Variants in MCF2L observed in about 807,000 individuals in gnomAD.
MCF2L encodes MCF.2 cell line derived transforming sequence like.
A neutral mutation model predicts 153.4 loss-of-function variants in MCF2L; 97 were observed. The ratio of observed to expected loss-of-function variants is 0.63; its 90% CI spans 0.54 to 0.75. The LOEUF (loss-of-function observed/expected upper bound fraction) is 0.75, where lower values mean the gene tolerates loss of function less well. MCF2L is among the 30% of genes least tolerant of loss of function. MCF2L has a pLI of 0.00. For missense variants in MCF2L, 1,347 were observed against 1,495.2 expected (o/e 0.90, Z 1.64); for synonymous variants, 659 against 632.2 (o/e 1.04, Z -0.64).
At chr13:112,968,873 G>A (rs1467474803), upstream of MCF2L, 4 of 857,838 alleles carry the variant, frequency 4.7e-6, no homozygotes, top group Non-Finnish European at 4.9e-6. Context: ...GGCTCCCAGG[G>A]GACCTCGGCG....
Position 112,969,333 on chromosome 13 carries a change from G to T in MCF2L, c.-47G>T. On this transcript the variant is annotated 5_prime_UTR_variant, in exon 1 of 30. Coordinates refer to ENST00000535094, the MANE Select transcript of MCF2L (RefSeq NM_001112732.3). This position sits in a 1 kb window ranked among gnomAD's most constrained non-coding sequence, Gnocchi z 4.8. ...ACGGCCCCACCCGCAGGCGCCCCCC[G>T]TGCGGAGGAAGCGGATCTGCCAGGA... 6.5e-7 allele frequency: 1 copy of T among 1,547,060 alleles called. No homozygotes were observed.
chr13:112,924,629 T>C (rs980751997), intron 2 of MCF2L, among the ~76,000 whole-genome samples: 1 of 152,344 alleles, frequency 6.6e-6, no homozygotes, highest in East Asian at 1.9e-4. Context: ...TAGCTTTAGA[T>C]AGGGAAGCTC....
At chr13:112,979,154 A>G (rs950227147) in intron 1 of MCF2L, among the ~76,000 whole-genome samples, 1 of 152,182 alleles carries the variant, frequency 6.6e-6, no homozygotes, top group Admixed American at 6.5e-5. Context: ...ACTTTGTTTC[A>G]GGACAGCCAG....
At chr13:113,067,126 T>A (rs1364474564) in intron 8 of MCF2L, among the ~76,000 whole-genome samples, 1 of 152,264 alleles carries the variant, frequency 6.6e-6, no homozygotes, top group Non-Finnish European at 1.5e-5. Context: ...TCCTCATCTG[T>A]AAAGTGACGC....
chr13:113,016,151 G>T (rs1180029945), intron 2 of MCF2L, among the ~76,000 whole-genome samples: 2 of 152,178 alleles, frequency 1.3e-5, no homozygotes, highest in Non-Finnish European at 2.9e-5. Context: ...AGCTCTGGGG[G>T]GGATTTTGCA....
upstream of MCF2L, among the ~76,000 whole-genome samples, chr13:112,968,163 A>C (rs1022670162): frequency 4.5e-5 from 6 of 134,794 alleles, no homozygotes; most frequent in Admixed American, 8.0e-5. Context: ...GTCTTGCTAC[A>C]TTGCCCAGGC....
Position 113,038,130 on chromosome 13 carries a change from C to T in MCF2L, c.279-7141C>T, listed in dbSNP as rs1163748411. Among the ~76,000 whole-genome samples the T allele has an allele frequency of 6.6e-5, 10 of 152,234 alleles. No individual in the cohort carries two copies. The South Asian group carries it at 1.0e-3, about 16-fold the overall frequency. On this transcript the variant is annotated intron_variant, in intron 3 of 29. Coordinates refer to ENST00000535094, the MANE Select transcript of MCF2L (RefSeq NM_001112732.3). ...GAATAAAATCATATCTAATAAAAGA[C>T]GTGCAAGACTTCTAAGCAGAAAACT...
rs750562138 is a variant in MCF2L at position 113,096,441 on chromosome 13, G to C, written c.3146G>C (p.Gly1049Ala). Residue 1049 changes from glycine (G) to alanine (A), a missense_variant, in exon 28 of 30, where the codon GGG (glycine) becomes GCG (alanine). By Grantham distance (60) the Gly-to-Ala change is moderately conservative. Around this residue, in one of 3 missense-constraint regions of MCF2L, gnomAD observed 383 missense variants for 335.4 expected, o/e 1.14. Coordinates refer to ENST00000535094, the MANE Select transcript of MCF2L (RefSeq NM_001112732.3). Reference protein sequence around the residue: ...GGPDALRVRSGDVVELVQEGD... With the variant: ...GGPDALRVRSADVVELVQEGD... ...CCCGATGCGCTGCGCGTGAGGAGCG[G>C]GGACGTGGTGGAGCTGGTGCAGGAG... 1.3e-6 allele frequency: 2 copies of C among 1,594,402 alleles called. No homozygotes were observed. Among genetic ancestry groups the C allele is most frequent in the Non-Finnish European group, 1.7e-6 (2 of 1,171,830 alleles).
Position 113,045,247 on chromosome 13 carries a change from G to T in MCF2L, c.279-24G>T, listed in dbSNP as rs550419171. On this transcript the variant is annotated intron_variant, in intron 3 of 29. Coordinates refer to ENST00000535094, the MANE Select transcript of MCF2L (RefSeq NM_001112732.3). The surrounding 1 kb of genome is among the most constrained non-coding windows in gnomAD (Gnocchi z 4.2). The stretch of plus-strand genomic sequence containing the variant: ...CGGCTTCCCACCTGCACACATTAAC[G>T]GCGGCGTCTCTTCCTCACTGCAGCC... 2 of 1,593,264 alleles carry T rather than the reference G, an allele frequency of 1.3e-6. No homozygotes were observed. The highest frequency in any genetic ancestry group is 1.7e-5 in the Admixed American group (1 of 60,012).
rs1265314013 is a variant in MCF2L, at chr13:113,089,595, G to A, written c.2835-15G>A. The stretch of plus-strand genomic sequence containing the variant: ...CAACACACTATTTCCTTTTTGATTT[G>A]TCTGATGTCATCAGTCCCTCAAGAG... On this transcript the variant is annotated splice_polypyrimidine_tract_variant and intron_variant, in intron 25 of 29. Transcript: ENST00000535094. 6.4e-7 allele frequency: 1 copy of A among 1,551,576 alleles called. No homozygotes were observed. Among genetic ancestry groups the A allele is most frequent in the African/African-American group, 1.4e-5 (1 of 73,304 alleles).
intron 3 of MCF2L, among the ~76,000 whole-genome samples, chr13:113,041,392 G>GT (rs1397130113): frequency 1.3e-5 from 2 of 151,624 alleles, no homozygotes; most frequent in African/African-American, 2.4e-5. Context: ...GCCATGGGCC[G>GT]TGGGGGGGCG....
rs551310932 is a variant in MCF2L at position 113,088,103 on chromosome 13, C to T, written c.2689-224C>T. On this transcript the variant is annotated intron_variant, in intron 23 of 29. Coordinates refer to ENST00000535094, the MANE Select transcript of MCF2L (RefSeq NM_001112732.3). ...CCGATTCTCACGGTGGGGAGGGTGCCGTGCCCTGGGTGCCAGGCACAGTTC... is the reference window on the plus strand; with the variant it reads ...CCGATTCTCACGGTGGGGAGGGTGCTGTGCCCTGGGTGCCAGGCACAGTTC... Among the ~76,000 whole-genome samples the T allele has an allele frequency of 9.2e-5, 14 of 152,308 alleles. No homozygotes were observed. In the South Asian group the frequency reaches 2.7e-3, roughly 29 times the overall value.
At chr13:112,957,376 T>C (rs940110106) in intron 2 of MCF2L, 1 of 152,254 alleles carries the variant, frequency 6.6e-6, no homozygotes, top group African/African-American at 2.4e-5. Flanking sequence ...CTCCAAACTG[T>C]AGAGGCTTTG....
chr13:113,007,231 T>C (rs1475533705), intron 1 of MCF2L, among the ~76,000 whole-genome samples: 1 of 152,222 alleles, frequency 6.6e-6, no homozygotes, highest in Non-Finnish European at 1.5e-5. Flanking sequence ...GAGGCCCACC[T>C]GGCTGAAACT....
In MCF2L at chr13:112,960,658, C is replaced by T. The variant is rs2081814320; in HGVS notation, c.170-54105C>T. On this transcript the variant is annotated intron_variant, in intron 2 of 29. Coordinates refer to the MCF2L transcript ENST00000375608. The surrounding 1 kb of genome is among the most constrained non-coding windows in gnomAD (Gnocchi z 4.2). ...CCACACACATTCATGGTCTATAGCTCTGGAGGCCAGAAGTTCTAACACCAA... is the reference window on the plus strand; with the variant it reads ...CCACACACATTCATGGTCTATAGCTTTGGAGGCCAGAAGTTCTAACACCAA... Among the ~76,000 whole-genome samples the T allele has an allele frequency of 6.6e-6, 1 of 152,184 alleles. No individual in the cohort carries two copies. Among genetic ancestry groups the T allele is most frequent in the South Asian group, 2.1e-4 (1 of 4,828 alleles).
intron 2 of MCF2L, among the ~76,000 whole-genome samples, chr13:113,016,525 C>T (rs921330410): frequency 4.6e-5 from 7 of 152,236 alleles, no homozygotes; most frequent in African/African-American, 1.4e-4. Context: ...AGTGCCTGAG[C>T]GTCAATGGTC....
intron 20 of MCF2L, 43 bp downstream of exon 20, chr13:113,085,221 C>T (rs775629003): frequency 1.3e-6 from 2 of 1,576,124 alleles, no homozygotes; most frequent in East Asian, 2.3e-5. Context: ...CCAGCACCTG[C>T]TGGCCAGGTG....
chr13:113,089,177 C>CG (rs1427777821), intron 25 of MCF2L, among the ~76,000 whole-genome samples: 1 of 125,126 alleles, frequency 8.0e-6, no homozygotes, highest in Non-Finnish European at 1.7e-5. Flanking sequence ...CCGCCCCCCC[C>CG]CCCGCCCCCC....
intron 25 of MCF2L, 84 bp from the exon 26 acceptor site, chr13:113,089,526 C>G (rs1413086820): frequency 3.5e-6 from 3 of 862,160 alleles, no homozygotes; most frequent in East Asian, 2.4e-5. Flanking sequence ...TCAGAGATAT[C>G]TGAATGCCTC....
Sources: gnomAD v4.1 joint callset for allele counts (sites outside exome capture counted in the v4.1 genomes callset) on GRCh38, gnomAD v4.1.1 for gene constraint, gnomAD v4.1.1 regional missense constraint, Gnocchi (gnomAD v3.1) non-coding constraint, MANE v1.5 for transcripts, NCBI Gene and HGNC (gene_info 2026-07-23, HGNC 2026-07-21) for gene names.